OTC: variants seen among roughly 807,000 people sequenced by gnomAD.
OTC encodes the protein ornithine transcarbamylase, also known as ornithine transcarbamylase, mitochondrial.
OTC carries 3 observed loss-of-function variants against 30.3 expected under a neutral mutation model. That is an observed-to-expected ratio of 0.10 (90% CI 0.05 to 0.26). OTC has a LOEUF of 0.26. Ranked by LOEUF, OTC falls within the 10% of genes least tolerant of loss-of-function variation. The pLI, the probability that OTC is intolerant of heterozygous loss-of-function variation, is 1.00. For missense variants in OTC, 194 were observed against 260.3 expected (o/e 0.75, Z 1.75); for synonymous variants, 111 against 99.7 (o/e 1.11, Z -0.67).
intron 5 of OTC, 83 bp downstream of exon 5, chrX:38,401,511 T>C (rs2068487959): frequency 1.3e-6 from 1 of 753,436 alleles, no homozygotes; most frequent in Non-Finnish European, 2.1e-6. Flanking sequence ...ACTTAAATCA[T>C]GGTATTGGTG....
intron 4 of OTC, among the ~76,000 whole-genome samples, chrX:38,393,783 T>C (rs938577783): frequency 8.9e-6 from 1 of 112,423 alleles, no homozygotes; most frequent in African/African-American, 3.2e-5. Context: ...AATACAAATA[T>C]ATTATCTTAC....
At chrX:38,416,033 T>C (rs2068569700) in intron 9 of OTC, among the ~76,000 whole-genome samples, 1 of 111,712 alleles carries the variant, frequency 9.0e-6, no homozygotes, top group South Asian at 3.8e-4. Flanking sequence ...AGCACTACTC[T>C]AGGGAATAAT....
At position 38,413,559 on chromosome X, in the gene OTC, A is replaced by G. The variant is rs2068553893; in HGVS notation, c.1005+1560A>G. The stretch of plus-strand genomic sequence containing the variant: ...TGTCAATTGCCTTGTTATCTAGGCC[A>G]GTACTTCTGAAGCCTTAATGTGCAT... On this transcript the variant is annotated intron_variant, in intron 9 of 9. Transcript: ENST00000039007. Among the ~76,000 whole-genome samples, 7 of 111,896 alleles carry G rather than the reference A, an allele frequency of 6.3e-5. No homozygotes were observed. In the South Asian group the frequency reaches 2.6e-3, roughly 42 times the overall value.
chrX:38,401,221 A>G (rs1046180504), intron 4 of OTC, 54 bp from the exon 5 acceptor site: 1 of 897,299 alleles, frequency 1.1e-6, no homozygotes, highest in African/African-American at 2.0e-5. Context: ...TATATTAAAT[A>G]AGGCATTATT....
chrX:38,415,153 A>G (rs1389015180), intron 9 of OTC, among the ~76,000 whole-genome samples: 1 of 110,078 alleles, frequency 9.1e-6, no homozygotes, highest in Non-Finnish European at 1.9e-5. Flanking sequence ...ATCTCGGCTC[A>G]CTGCAACCTC....
At chrX:38,411,740 C>G in intron 8 of OTC, 122 bp from the exon 9 acceptor site, 1 of 647,721 alleles carries the variant, frequency 1.5e-6, no homozygotes, top group African/African-American at 2.1e-5. Flanking sequence ...CACTCTGCTC[C>G]TTTGTCTCTC....
chrX:38,387,743 A>C (rs965032917), intron 4 of OTC, among the ~76,000 whole-genome samples: 1 of 111,870 alleles, frequency 8.9e-6, no homozygotes, highest in Non-Finnish European at 1.9e-5. Context: ...AGTCTAGGGG[A>C]GACTAGGCAC....
At chrX:38,344,238 T>TACACAC in the OTC span, among the ~76,000 whole-genome samples, 2 of 43,291 alleles carry the variant, frequency 4.6e-5, no homozygotes, top group African/African-American at 1.3e-4. Context: ...GATATATATA[T>TACACAC]ATACACACAC....
At chrX:38,410,506 C>A (rs774680938) in intron 8 of OTC, among the ~76,000 whole-genome samples, 169 of 111,828 alleles carry the variant, frequency 1.5e-3, no homozygotes, top group Non-Finnish European at 2.9e-3. Flanking sequence ...ATTTGCAATT[C>A]CTTGATTACT....
intron 4 of OTC, among the ~76,000 whole-genome samples, chrX:38,398,480 AG>A (rs2068468099): frequency 8.9e-6 from 1 of 112,026 alleles, no homozygotes; most frequent in Admixed American, 9.5e-5. Context: ...ATGAGATTCC[AG>A]AAGGTCAACT....
intron 4 of OTC, among the ~76,000 whole-genome samples, chrX:38,393,406 A>C (rs889759205): frequency 8.9e-6 from 1 of 112,436 alleles, no homozygotes; most frequent in Non-Finnish European, 1.9e-5. Context: ...TTGTTTTTTT[A>C]TTCTTAAATC....
At chrX:38,332,532 A>ATATATATATATATATATATATG in the OTC span, among the ~76,000 whole-genome samples, 1 of 90,337 alleles carries the variant, frequency 1.1e-5, no homozygotes, top group Admixed American at 1.2e-4. Context: ...ATATATATAT[A>ATATATATATATATATATATATG]TCATATAACA....
intron 3 of OTC, among the ~76,000 whole-genome samples, chrX:38,372,179 A>G (rs2068326047): frequency 8.9e-6 from 1 of 111,824 alleles, no homozygotes; most frequent in South Asian, 3.7e-4. Context: ...TGTGGTAGTT[A>G]ATCTATTAAT....
the OTC span, among the ~76,000 whole-genome samples, chrX:38,341,055 C>T: frequency 8.9e-6 from 1 of 111,791 alleles, no homozygotes; most frequent in South Asian, 3.7e-4. Context: ...GCCTCGGCCT[C>T]CCAAAGTGCT....
In OTC at chrX:38,421,208, G is replaced by A; in HGVS notation, c.*126G>A. 2 of 518,403 alleles carry A rather than the reference G, an allele frequency of 3.9e-6. No homozygotes were observed. Among genetic ancestry groups the A allele is most frequent in the Non-Finnish European group, 6.9e-6 (2 of 291,797 alleles). The allele number at this position is 518,403 out of a possible 1,213,427, so 42.7% of individuals were successfully genotyped here. On this transcript the variant is annotated 3_prime_UTR_variant, in exon 10 of 10. Transcript: ENST00000039007. The stretch of plus-strand genomic sequence containing the variant: ...AACACGTGGTATGGGTGAACCGTAT[G>A]ATATGCTTTGCCATTGTGAAACTTT...
chrX:38,350,643 G>A (rs905641949), upstream of OTC, among the ~76,000 whole-genome samples: 10 of 111,561 alleles, frequency 9.0e-5, no homozygotes, highest in African/African-American at 3.3e-4. Flanking sequence ...TTGTGATGCA[G>A]CTCCCCTTTT....
chrX:38,366,401 C>T (rs932752981), intron 1 of OTC, among the ~76,000 whole-genome samples: 3 of 111,188 alleles, frequency 2.7e-5, no homozygotes, highest in African/African-American at 9.8e-5. Context: ...AAAGTTACAG[C>T]GTCCATTGTA....
chrX:38,332,503 T>TC, the OTC span, among the ~76,000 whole-genome samples: 39 of 63,356 alleles, frequency 6.2e-4, no homozygotes, highest in African/African-American at 2.9e-3. Flanking sequence ...AGCCCTAGAT[T>TC]TTATATATAT....
chrX:38,354,928 A>G (rs1324208593), intron 1 of OTC, among the ~76,000 whole-genome samples: 1 of 111,118 alleles, frequency 9.0e-6, no homozygotes, highest in Non-Finnish European at 1.9e-5. Flanking sequence ...CTCCCTGTCA[A>G]CTCTGCCTGT....
Sources: gnomAD v4.1 joint callset for allele counts (sites outside exome capture counted in the v4.1 genomes callset) on GRCh38, gnomAD v4.1.1 for gene constraint, MANE v1.5 for transcripts, NCBI Gene and HGNC (gene_info 2026-07-23, HGNC 2026-07-21) for gene names.